Variants in PRKG1 observed in about 807,000 individuals in gnomAD.
PRKG1 encodes the protein cGMP-dependent protein kinase 1.
PRKG1 carries 35 observed loss-of-function variants against 88.1 expected under a neutral mutation model. The observed-to-expected ratio is 0.40, with a 90% CI of 0.30 to 0.53. The LOEUF (loss-of-function observed/expected upper bound fraction) is 0.53. Among genes scored for constraint, PRKG1 ranks in the 20% least tolerant of loss-of-function variants. The probability of loss-of-function intolerance (pLI) is 0.59; values close to 1 mark genes in which losing one functional copy is unlikely to be tolerated. For missense variants in PRKG1, 540 were observed against 839.8 expected (o/e 0.64, Z 4.41); for synonymous variants, 303 against 292.5 (o/e 1.04, Z -0.37).
chr10:52,031,952 C>CA (rs1274770659), intron 5 of PRKG1, among the ~76,000 whole-genome samples: 1 of 152,128 alleles, frequency 6.6e-6, no homozygotes, highest in African/African-American at 2.4e-5. Context: ...ATCCACAATA[C>CA]AACTAAGGCC....
chr10:52,084,699 T>TG (rs1394064655), intron 7 of PRKG1, among the ~76,000 whole-genome samples: 2 of 152,082 alleles, frequency 1.3e-5, no homozygotes, highest in Non-Finnish European at 2.9e-5. Context: ...TCTTATGTAA[T>TG]GACTATACAG....
chr10:51,849,655 T>C (rs1480318919), intron 4 of PRKG1, among the ~76,000 whole-genome samples: 1 of 152,206 alleles, frequency 6.6e-6, no homozygotes, highest in Admixed American at 6.5e-5. Flanking sequence ...CTCCAAACAA[T>C]TGAATTTAAT....
chr10:51,286,096 G>A (rs147872517), intron 2 of PRKG1, among the ~76,000 whole-genome samples: 1,830 of 152,130 alleles, frequency 0.012, 37 homozygotes, highest in African/African-American at 0.041. Context: ...TCAGCCACCC[G>A]AGTAGCTGGG....
At chr10:51,602,883 T>C (rs986013940) in intron 3 of PRKG1, among the ~76,000 whole-genome samples, 3 of 151,976 alleles carry the variant, frequency 2.0e-5, no homozygotes, top group Non-Finnish European at 4.4e-5. Context: ...GGTATAATGT[T>C]TTTAATGTGA....
intron 3 of PRKG1, chr10:51,697,067 A>G (rs1165256087): frequency 6.6e-6 from 1 of 152,252 alleles, no homozygotes; most frequent in Non-Finnish European, 1.5e-5. Context: ...ATGAAGCAAC[A>G]GTAAATCAGG....
At chr10:51,699,524 G>A in intron 3 of PRKG1, 1 of 1,611,674 alleles carries the variant, frequency 6.2e-7, no homozygotes, top group Non-Finnish European at 8.5e-7. Context: ...ATCCATTGCC[G>A]GGTCTCTCAC....
At chr10:51,561,036 C>T (rs1489034764) in intron 3 of PRKG1, among the ~76,000 whole-genome samples, 1 of 150,856 alleles carries the variant, frequency 6.6e-6, no homozygotes, top group Non-Finnish European at 1.5e-5. Flanking sequence ...TTCTTGAGCC[C>T]AGGAGTTTGA....
intron 4 of PRKG1, 127 bp downstream of exon 4, chr10:51,804,817 T>C: frequency 3.1e-6 from 2 of 637,908 alleles, no homozygotes; most frequent in Non-Finnish European, 5.5e-6. Context: ...TACAAATGTG[T>C]AGAGATGTAA....
At chr10:51,155,580 T>G (rs1267727801) in intron 2 of PRKG1, among the ~76,000 whole-genome samples, 1 of 151,928 alleles carries the variant, frequency 6.6e-6, no homozygotes, top group African/African-American at 2.4e-5. Context: ...TATGTATTAG[T>G]CAGGACTCTC....
At chr10:51,561,140 G>C (rs574799968) in intron 3 of PRKG1, among the ~76,000 whole-genome samples, 1 of 151,908 alleles carries the variant, frequency 6.6e-6, no homozygotes, top group Non-Finnish European at 1.5e-5. Context: ...TTAGCTGGGT[G>C]TGGTAGCTGG....
At chr10:51,784,129 C>T (rs1838668691) in intron 3 of PRKG1, among the ~76,000 whole-genome samples, 1 of 152,036 alleles carries the variant, frequency 6.6e-6, no homozygotes, top group Non-Finnish European at 1.5e-5. Flanking sequence ...GCTGAGTTTG[C>T]CCTTTGACAG....
At chr10:51,392,270 AC>A (rs957246969) in intron 2 of PRKG1, among the ~76,000 whole-genome samples, 3 of 151,758 alleles carry the variant, frequency 2.0e-5, no homozygotes, top group Non-Finnish European at 2.9e-5. Flanking sequence ...TAGGCAGAGG[AC>A]CCTGCGGCCT....
intron 5 of PRKG1, among the ~76,000 whole-genome samples, chr10:51,965,845 G>C (rs1050470955): frequency 6.6e-6 from 1 of 152,178 alleles, no homozygotes; most frequent in Non-Finnish European, 1.5e-5. Context: ...GATCTAGAGA[G>C]AAGAGTTAGT....
intron 2 of PRKG1, chr10:51,245,784 T>C (rs570859791): frequency 2.0e-5 from 3 of 152,170 alleles, no homozygotes; most frequent in African/African-American, 7.2e-5. Context: ...ACTGTAACTG[T>C]TGGAATTTGA....
intron 7 of PRKG1, among the ~76,000 whole-genome samples, chr10:52,096,462 A>C (rs558952678): frequency 6.6e-6 from 1 of 152,326 alleles, no homozygotes; most frequent in South Asian, 2.1e-4. Context: ...CAGGAAACCA[A>C]CTTGCTCCTT....
At chr10:51,108,059 A>T (rs954130527) in intron 1 of PRKG1, among the ~76,000 whole-genome samples, 3 of 152,126 alleles carry the variant, frequency 2.0e-5, no homozygotes, top group Non-Finnish European at 4.4e-5. Flanking sequence ...TCAAGAAGAA[A>T]CAGGTGACCT....
chr10:52,014,459 G>T (rs1426463692), intron 5 of PRKG1, among the ~76,000 whole-genome samples: 3 of 152,140 alleles, frequency 2.0e-5, no homozygotes, highest in Non-Finnish European at 4.4e-5. Flanking sequence ...ATCAGGTCTT[G>T]TCCTCAACAC....
intron 2 of PRKG1, among the ~76,000 whole-genome samples, chr10:51,237,546 G>A (rs1008024441): frequency 2.6e-5 from 4 of 152,168 alleles, no homozygotes; most frequent in African/African-American, 4.8e-5. Flanking sequence ...TCCTTACTAT[G>A]TGTCCCAGAT....
intron 9 of PRKG1, among the ~76,000 whole-genome samples, chr10:52,189,955 T>C (rs1240925833): frequency 6.6e-6 from 1 of 152,218 alleles, no homozygotes; most frequent in African/African-American, 2.4e-5. Flanking sequence ...TTTGAAAGCA[T>C]TGATAATCCT....
Sources: gnomAD v4.1 joint callset for allele counts (sites outside exome capture counted in the v4.1 genomes callset) on GRCh38, gnomAD v4.1.1 for gene constraint, MANE v1.5 for transcripts, NCBI Gene and HGNC (gene_info 2026-07-23, HGNC 2026-07-21) for gene names.